LRRC7: variants seen among roughly 807,000 people sequenced by gnomAD.
LRRC7 encodes the protein leucine-rich repeat-containing protein 7.
LRRC7 carries 23 observed loss-of-function variants against 175.7 expected under a neutral mutation model. The ratio of observed to expected loss-of-function variants is 0.13; its 90% confidence interval spans 0.09 to 0.19. The LOEUF (loss-of-function observed/expected upper bound fraction) is 0.19, where lower values mean the gene tolerates loss of function less well. Among genes scored for constraint, LRRC7 ranks in the 10% least tolerant of loss-of-function variants. The pLI is 1.00. For synonymous variants in LRRC7, 685 were observed against 680.9 expected (o/e 1.01, Z -0.09); for missense variants, 1,354 against 1,904.7 (o/e 0.71, Z 5.38).
chr1:69,783,813 G>T (rs1569835527), intron 3 of LRRC7, among the ~76,000 whole-genome samples: 1 of 133,442 alleles, frequency 7.5e-6, no homozygotes, highest in African/African-American at 2.7e-5. Context: ...AAGTGGAAAA[G>T]AATAAATCCT....
At position 70,130,898 on chromosome 1, in the gene LRRC7, G is replaced by A. The variant is rs191712213; in HGVS notation, c.*9011G>A. Among the ~76,000 whole-genome samples the A allele has an allele frequency of 9.8e-5, 15 of 152,290 alleles. No individual in the cohort carries two copies. Among genetic ancestry groups the A allele is most frequent in the Admixed American group, 9.8e-4 (15 of 15,298 alleles). Reference sequence around the variant, plus strand: ...AATTTTAATCAAACTGCTGCCAAATGCTGCCCGTCCTTTAAGTAGATAAAA... The same window carrying A: ...AATTTTAATCAAACTGCTGCCAAATACTGCCCGTCCTTTAAGTAGATAAAA... On this transcript the variant is annotated 3_prime_UTR_variant, in exon 27 of 27. Coordinates refer to ENST00000651989, the MANE Select transcript of LRRC7 (RefSeq NM_001370785.2).
intron 4 of LRRC7, among the ~76,000 whole-genome samples, chr1:69,820,888 T>C (rs1042440907): frequency 6.6e-6 from 1 of 152,188 alleles, no homozygotes; most frequent in Non-Finnish European, 1.5e-5. Flanking sequence ...GTAATGGGAT[T>C]GCTGGGTCAA....
Position 69,698,574 on chromosome 1 carries a change from T to A in LRRC7, c.100+20096T>A, listed in dbSNP as rs539295864. 1.2e-3 allele frequency among the ~76,000 whole-genome samples: 177 copies of A among 152,300 alleles called. 1 individual carries two copies. Among genetic ancestry groups the A allele is most frequent in the African/African-American group, 4.1e-3 (170 of 41,564 alleles). ...GGAATATCCAGAAAACTGAACAAAA[T>A]TTCTAGTACCCTTCCTCACCCCTGC... On this transcript the variant is annotated intron_variant, in intron 2 of 26. Transcript: ENST00000651989.
At chr1:69,869,697 A>G (rs1685317340) in intron 7 of LRRC7, among the ~76,000 whole-genome samples, 2 of 152,188 alleles carry the variant, frequency 1.3e-5, no homozygotes, top group African/African-American at 2.4e-5. Context: ...ACAGTAAAGT[A>G]TGAGGTGAAG....
chr1:69,595,289 G>A (rs911196235), intron 1 of LRRC7, among the ~76,000 whole-genome samples: 6 of 151,878 alleles, frequency 4.0e-5, no homozygotes, highest in South Asian at 2.1e-4. Context: ...GCGTGGTGGC[G>A]GGCACCTGTA....
intron 3 of LRRC7, among the ~76,000 whole-genome samples, chr1:69,778,907 C>T (rs1325543602): frequency 2.7e-5 from 4 of 148,934 alleles, no homozygotes; most frequent in Admixed American, 6.8e-5. Flanking sequence ...TATATATATA[C>T]ACACACATAC....
At chr1:69,864,630 G>T (rs958376212) in intron 7 of LRRC7, among the ~76,000 whole-genome samples, 1 of 152,110 alleles carries the variant, frequency 6.6e-6, no homozygotes, top group Admixed American at 6.5e-5. Flanking sequence ...GGGTAACATG[G>T]CAATTAAATC....
chr1:69,934,024 T>G (rs1257158958), intron 8 of LRRC7, among the ~76,000 whole-genome samples: 1 of 152,204 alleles, frequency 6.6e-6, no homozygotes, highest in Non-Finnish European at 1.5e-5. Flanking sequence ...CTGATGTTAC[T>G]CACTTTTAAT....
intron 25 of LRRC7, among the ~76,000 whole-genome samples, chr1:70,099,628 A>T (rs1664671645): frequency 6.6e-6 from 1 of 152,216 alleles, no homozygotes; most frequent in Non-Finnish European, 1.5e-5. Flanking sequence ...AAATTATACA[A>T]CCAGAGGGGC....
chr1:69,640,600 A>T (rs1332116462), intron 1 of LRRC7, among the ~76,000 whole-genome samples: 5 of 150,152 alleles, frequency 3.3e-5, no homozygotes. Flanking sequence ...TGTTATATTT[A>T]TTTTATTTAA....
chr1:69,677,374 A>G (rs1375625270), intron 1 of LRRC7, among the ~76,000 whole-genome samples: 1 of 151,638 alleles, frequency 6.6e-6, no homozygotes, highest in Non-Finnish European at 1.5e-5. Context: ...TTCTGGTGTA[A>G]TAAACATATG....
intron 1 of LRRC7, among the ~76,000 whole-genome samples, chr1:69,673,509 G>A (rs750584856): frequency 3.9e-5 from 6 of 152,190 alleles, no homozygotes; most frequent in Non-Finnish European, 7.3e-5. Context: ...CCAAGCTTGA[G>A]AGTAGCTAGA....
chr1:69,792,008 A>G, intron 3 of LRRC7, 35 bp from the exon 4 acceptor site: 1 of 1,334,086 alleles, frequency 7.5e-7, no homozygotes, highest in South Asian at 1.2e-5. Flanking sequence ...ATTTAACCAA[A>G]TTGAGATCTA....
intron 11 of LRRC7, among the ~76,000 whole-genome samples, chr1:69,999,241 G>A (rs75920543): frequency 1.1e-3 from 171 of 152,308 alleles, no homozygotes; most frequent in African/African-American, 3.9e-3. Flanking sequence ...AACAGATTTG[G>A]AAACATCAGT....
At chr1:69,671,539 A>ACTGGCGCTGAGCC (rs1172383398) in intron 1 of LRRC7, among the ~76,000 whole-genome samples, 3 of 152,072 alleles carry the variant, frequency 2.0e-5, no homozygotes, top group Non-Finnish European at 2.9e-5. Flanking sequence ...TCCCAAGTCC[A>ACTGGCGCTGAGCC]CTGGCGCTGA....
intron 5 of LRRC7, among the ~76,000 whole-genome samples, chr1:69,832,581 A>G (rs1271123557): frequency 5.3e-5 from 8 of 152,158 alleles, no homozygotes; most frequent in Admixed American, 1.3e-4. Context: ...TATTTACCAA[A>G]TTGGCAAAAA....
intron 8 of LRRC7, among the ~76,000 whole-genome samples, chr1:69,945,334 GCTCT>G (rs1006644227): frequency 5.4e-4 from 82 of 151,944 alleles, no homozygotes; most frequent in African/African-American, 1.9e-3. Flanking sequence ...TTATTTCTGG[GCTCT>G]CTGTTTTATT....
chr1:70,089,611 T>G (rs959185157), intron 24 of LRRC7, 116 bp from the exon 25 acceptor site: 2 of 657,302 alleles, frequency 3.0e-6, no homozygotes. Flanking sequence ...CAACTCAACA[T>G]AGGCTAACCC....
In LRRC7 at chr1:70,137,131, G is replaced by A. The variant is rs939565201; in HGVS notation, c.*15244G>A. Among the ~76,000 whole-genome samples the A allele has an allele frequency of 2.0e-5, 3 of 152,336 alleles. No individual in the cohort carries two copies. The highest frequency in any genetic ancestry group is 3.9e-4 in the East Asian group (2 of 5,192). ...TTGTCAAAAAGGACAAGGCTCAGGT[G>A]ACAGTGGGGACGTAAATAACTGCAG... On this transcript the variant is annotated 3_prime_UTR_variant, in exon 27 of 27. Transcript: ENST00000651989.
Sources: gnomAD v4.1 joint callset for allele counts (sites outside exome capture counted in the v4.1 genomes callset) on GRCh38, gnomAD v4.1.1 for gene constraint, MANE v1.5 for transcripts, NCBI Gene and HGNC (gene_info 2026-07-23, HGNC 2026-07-21) for gene names.